Variants in PDE10A observed in about 807,000 individuals in gnomAD.
The protein encoded by PDE10A is phosphodiesterase 10A.
Under a neutral mutation model 97.7 loss-of-function variants are expected in PDE10A, and 39 were observed. That is an observed-to-expected ratio of 0.40 (90% CI 0.31 to 0.52). The LOEUF (loss-of-function observed/expected upper bound fraction) is 0.52. PDE10A is among the 20% of genes least tolerant of loss of function. The probability of loss-of-function intolerance (pLI) is 0.56; values close to 1 mark genes in which losing one functional copy is unlikely to be tolerated. For synonymous variants in PDE10A, 371 were observed against 376.8 expected (o/e 0.98, Z 0.18); for missense variants, 731 against 1,047.8 (o/e 0.70, Z 4.17).
intron 2 of PDE10A, among the ~76,000 whole-genome samples, chr6:165,520,970 T>C (rs764414402): frequency 6.6e-6 from 1 of 150,462 alleles, no homozygotes; most frequent in African/African-American, 2.5e-5. Flanking sequence ...GCTTCACAGA[T>C]ACTATGGTTT....
intron 1 of PDE10A, among the ~76,000 whole-genome samples, chr6:165,952,536 AAT>A (rs1783996894): frequency 6.6e-6 from 1 of 152,210 alleles, no homozygotes; most frequent in South Asian, 2.1e-4. Flanking sequence ...TTGATTCTTA[AAT>A]ATGACTACTG....
upstream of PDE10A, among the ~76,000 whole-genome samples, chr6:165,666,292 C>T (rs939377772): frequency 6.6e-6 from 1 of 152,122 alleles, no homozygotes; most frequent in Non-Finnish European, 1.5e-5. Flanking sequence ...TAAATAATAA[C>T]CTTTCTTTAT....
At chr6:165,624,356 CTT>C (rs1562639633) in intron 1 of PDE10A, among the ~76,000 whole-genome samples, 1 of 150,298 alleles carries the variant, frequency 6.7e-6, no homozygotes, top group African/African-American at 2.5e-5. Context: ...TCGGTACACT[CTT>C]TATTTTCCAG....
intron 1 of PDE10A, among the ~76,000 whole-genome samples, chr6:165,738,436 A>G (rs1562712117): frequency 6.6e-6 from 1 of 150,532 alleles, no homozygotes; most frequent in Non-Finnish European, 1.5e-5. Flanking sequence ...GGTTGGTTCC[A>G]AGTCTTTGCT....
chr6:165,696,188 GAGA>G (rs1246335954), intron 1 of PDE10A, among the ~76,000 whole-genome samples: 1 of 152,172 alleles, frequency 6.6e-6, no homozygotes, highest in East Asian at 1.9e-4. Flanking sequence ...AAGCCCCGGG[GAGA>G]AGAAGACCAG....
chr6:165,938,759 A>AACAC (rs138143248), intron 1 of PDE10A, among the ~76,000 whole-genome samples: 26 of 150,004 alleles, frequency 1.7e-4, no homozygotes, highest in East Asian at 1.6e-3. Flanking sequence ...AAAACAAAAC[A>AACAC]ACACACACAC....
chr6:165,603,346 T>C (rs1008675086), intron 1 of PDE10A, among the ~76,000 whole-genome samples: 2 of 152,190 alleles, frequency 1.3e-5, no homozygotes, highest in Admixed American at 1.3e-4. Flanking sequence ...TGATATAAGG[T>C]CAAGGCCACT....
intron 3 of PDE10A, among the ~76,000 whole-genome samples, chr6:165,467,260 T>C (rs898093070): frequency 1.3e-5 from 2 of 152,212 alleles, no homozygotes; most frequent in African/African-American, 4.8e-5. Flanking sequence ...TGCAGCAAGT[T>C]ATCCAAAATA....
chr6:165,455,963 A>T (rs767037187), intron 3 of PDE10A, among the ~76,000 whole-genome samples: 1 of 152,230 alleles, frequency 6.6e-6, no homozygotes, highest in Non-Finnish European at 1.5e-5. Flanking sequence ...AAAATCATGA[A>T]CACTTGAAAT....
intron 1 of PDE10A, among the ~76,000 whole-genome samples, chr6:165,642,274 T>G (rs1159773925): frequency 6.6e-6 from 1 of 152,186 alleles, no homozygotes; most frequent in East Asian, 1.9e-4. Context: ...CCCGGATGAA[T>G]GTGGCTTCCC....
chr6:165,848,555 C>G (rs546092412), intron 1 of PDE10A, among the ~76,000 whole-genome samples: 1 of 152,120 alleles, frequency 6.6e-6, no homozygotes, highest in Admixed American at 6.5e-5. Context: ...AATAAACACA[C>G]CATGCGGGAA....
intron 1 of PDE10A, among the ~76,000 whole-genome samples, chr6:165,767,009 C>T (rs940186344): frequency 6.6e-6 from 1 of 152,208 alleles, no homozygotes; most frequent in Non-Finnish European, 1.5e-5. Context: ...CCACAAATAA[C>T]AGGCTTGACT....
intron 16 of PDE10A, among the ~76,000 whole-genome samples, chr6:165,390,042 G>T (rs542184675): frequency 6.6e-6 from 1 of 152,252 alleles, no homozygotes; most frequent in Admixed American, 6.5e-5. Flanking sequence ...GACTCAATGT[G>T]TTAGTAACAA....
chr6:165,686,072 C>G (rs6938140), intron 1 of PDE10A, among the ~76,000 whole-genome samples: 5,075 of 151,610 alleles, frequency 0.033, 268 homozygotes, highest in African/African-American at 0.11. Flanking sequence ...AAAATCACTG[C>G]AGTAGAATTC....
chr6:165,760,261 C>G (rs1306420217), intron 1 of PDE10A, among the ~76,000 whole-genome samples: 1 of 152,188 alleles, frequency 6.6e-6, no homozygotes, highest in Non-Finnish European at 1.5e-5. Context: ...TATTCCTACA[C>G]TATCTGGCAA....
intron 1 of PDE10A, among the ~76,000 whole-genome samples, chr6:165,765,369 G>A (rs1251914683): frequency 6.6e-6 from 1 of 152,250 alleles, no homozygotes; most frequent in Non-Finnish European, 1.5e-5. Flanking sequence ...GGGCTGCACA[G>A]GAGCCCACGG....
intron 1 of PDE10A, among the ~76,000 whole-genome samples, chr6:165,699,678 A>G (rs1791521555): frequency 6.6e-6 from 1 of 152,330 alleles, no homozygotes; most frequent in African/African-American, 2.4e-5. Flanking sequence ...GAAATTACTA[A>G]TGGAAAAATT....
intron 1 of PDE10A, among the ~76,000 whole-genome samples, chr6:165,813,191 A>G (rs1779324699): frequency 6.6e-6 from 1 of 152,172 alleles, no homozygotes; most frequent in Admixed American, 6.5e-5. Context: ...GGTCTAGATG[A>G]GCCTTTAAAC....
At chr6:165,860,388 G>T (rs1178920963) in intron 1 of PDE10A, among the ~76,000 whole-genome samples, 1 of 152,212 alleles carries the variant, frequency 6.6e-6, no homozygotes, top group East Asian at 1.9e-4. Context: ...GGAGGCAGAG[G>T]TTGCGGTGAG....
Sources: gnomAD v4.1 joint callset for allele counts (sites outside exome capture counted in the v4.1 genomes callset) on GRCh38, gnomAD v4.1.1 for gene constraint, MANE v1.5 for transcripts, NCBI Gene and HGNC (gene_info 2026-07-23, HGNC 2026-07-21) for gene names.